The following SEPTIN9 variants were observed in gnomAD, a reference collection of about 807,000 sequenced individuals.
SEPTIN9 encodes septin 9, also known as septin-9.
Under a neutral mutation model 56.6 loss-of-function variants are expected in SEPTIN9, and 13 were observed. The observed-to-expected ratio is 0.23, with a 90% CI of 0.15 to 0.37. SEPTIN9 has a LOEUF of 0.37. Ranked by LOEUF, SEPTIN9 falls within the 10% of genes least tolerant of loss-of-function variation. SEPTIN9 has a pLI of 1.00. For missense variants in SEPTIN9, 650 were observed against 823.1 expected, an observed-to-expected ratio of 0.79 and a Z score of 2.57; for synonymous variants, 332 against 334.1, an observed-to-expected ratio of 0.99 and a Z score of 0.07.
intron 3 of SEPTIN9, among the ~76,000 whole-genome samples, chr17:77,465,087 G>C (rs77223201): frequency 6.6e-6 from 1 of 152,186 alleles, no homozygotes; most frequent in African/African-American, 2.4e-5. Flanking sequence ...AAGTGGAATC[G>C]TACAGTATGT....
chr17:77,288,342 C>A, intron 1 of SEPTIN9: 1 of 450,646 alleles, frequency 2.2e-6, no homozygotes, highest in Non-Finnish European at 3.0e-6. Context: ...CCCCGGAAGC[C>A]GAGGATGTCC....
chr17:77,499,934 C>T lies in SEPTIN9; in HGVS notation c.*1276C>T, dbSNP rs772673489. On this transcript the variant is annotated 3_prime_UTR_variant, in exon 12 of 12. Coordinates refer to ENST00000427177, the MANE Select transcript of SEPTIN9 (RefSeq NM_001113491.2). Reference sequence around the variant, plus strand: ...AGTCCACAGCTGAAGAGCAAGGTTTCGTGGCAGCACGGCCCGGCCCCTCAC... The same window carrying T: ...AGTCCACAGCTGAAGAGCAAGGTTTTGTGGCAGCACGGCCCGGCCCCTCAC... 2 of 240,286 alleles carry T rather than the reference C, an allele frequency of 8.3e-6. No homozygotes were observed. The highest frequency in any genetic ancestry group is 1.6e-5 in the Non-Finnish European group (2 of 122,216). The allele number at this position is 240,286 out of a possible 1,614,324, so 14.9% of individuals were successfully genotyped here.
intron 3 of SEPTIN9, among the ~76,000 whole-genome samples, chr17:77,463,042 G>T (rs541025189): frequency 6.6e-6 from 1 of 152,030 alleles, no homozygotes; most frequent in African/African-American, 2.4e-5. Context: ...GCCCGTGGGG[G>T]TCTCGGCAAG....
In SEPTIN9 at chr17:77,405,165, A is replaced by C. The variant is rs745958406; in HGVS notation, c.721+2462A>C. The C allele has an allele frequency of 9.2e-6, 14 of 1,521,192 alleles. No individual in the cohort carries two copies. The highest frequency in any genetic ancestry group is 1.1e-5 in the Non-Finnish European group (13 of 1,134,210). The allele number at this position is 1,521,192 out of a possible 1,614,324, so 94.2% of individuals were successfully genotyped here. On this transcript the variant is annotated intron_variant, in intron 3 of 11. Transcript: ENST00000427177. This position sits in a 1 kb window ranked among gnomAD's most constrained non-coding sequence, Gnocchi z 5.8. ...GGTAGGGGGATGTCCATGGGGATGT[A>C]CAAGAACATTCTCCTCCAGGGGCAG...
intron 3 of SEPTIN9, among the ~76,000 whole-genome samples, chr17:77,470,198 CTCA>C (rs1439606945): frequency 6.6e-6 from 1 of 150,724 alleles, no homozygotes; most frequent in African/African-American, 2.4e-5. Context: ...CACCCATCCA[CTCA>C]TCATCCGTCC....
intron 2 of SEPTIN9, among the ~76,000 whole-genome samples, chr17:77,382,201 G>A (rs1738168236): frequency 6.6e-6 from 1 of 152,086 alleles, no homozygotes; most frequent in Non-Finnish European, 1.5e-5. Flanking sequence ...CTAATTTTTT[G>A]TATTTTTAGT....
intron 3 of SEPTIN9, among the ~76,000 whole-genome samples, chr17:77,479,480 G>C (rs760202736): frequency 6.6e-6 from 1 of 152,284 alleles, no homozygotes; most frequent in Non-Finnish European, 1.5e-5. Context: ...CCTCTCGAGG[G>C]AGGGGTTGCA....
In SEPTIN9 at chr17:77,476,086, C is replaced by T. The variant is rs903834460; in HGVS notation, c.722-6058C>T. On this transcript the variant is annotated intron_variant, in intron 3 of 11. Coordinates refer to ENST00000427177, the MANE Select transcript of SEPTIN9 (RefSeq NM_001113491.2). This position sits in a 1 kb window ranked among gnomAD's most constrained non-coding sequence, Gnocchi z 6.0. ...GGTGGCTCAGGGTCCCTTGCCCCAGCGGCACCATCTCTGCATTTGGCCAGC... is the reference window on the plus strand; with the variant it reads ...GGTGGCTCAGGGTCCCTTGCCCCAGTGGCACCATCTCTGCATTTGGCCAGC... Among the ~76,000 whole-genome samples, 10 of 152,132 alleles carry T rather than the reference C, an allele frequency of 6.6e-5. No homozygotes were observed. Among genetic ancestry groups the T allele is most frequent in the Non-Finnish European group, 1.0e-4 (7 of 68,020 alleles).
At chr17:77,299,009 C>G (rs144015586) in intron 1 of SEPTIN9, among the ~76,000 whole-genome samples, 373 of 152,308 alleles carry the variant, frequency 2.4e-3, no homozygotes, top group African/African-American at 8.3e-3. Flanking sequence ...CTCACTCTCT[C>G]TGCATCCTGA....
chr17:77,489,014 G>A (rs1332226506), intron 7 of SEPTIN9, 150 bp downstream of exon 7: 5 of 972,604 alleles, frequency 5.1e-6, no homozygotes, highest in South Asian at 1.6e-5. Flanking sequence ...TTGGGGGTGT[G>A]CCATGTCTGC....
intron 2 of SEPTIN9, among the ~76,000 whole-genome samples, chr17:77,385,493 AC>A (rs1187495902): frequency 1.3e-5 from 2 of 152,168 alleles, no homozygotes; most frequent in Non-Finnish European, 2.9e-5. Context: ...TTCCAGGATT[AC>A]AGGCGTGAGC....
In SEPTIN9 at chr17:77,475,885, A is replaced by G. The variant is rs762525910; in HGVS notation, c.722-6259A>G. 12 of 1,611,444 alleles carry G rather than the reference A, an allele frequency of 7.4e-6. No homozygotes were observed. In the East Asian group the frequency reaches 2.0e-4, roughly 27 times the overall value. On this transcript the variant is annotated intron_variant, in intron 3 of 11. Coordinates refer to ENST00000427177, the MANE Select transcript of SEPTIN9 (RefSeq NM_001113491.2). The surrounding 1 kb of genome is among the most constrained non-coding windows in gnomAD (Gnocchi z 4.6). ...TGACCTTGCATTCTGCTTGGCCACC[A>G]TTGGCAGTGACAGACAAGGTGTGTG...
At chr17:77,420,227 G>A (rs986322169) in intron 3 of SEPTIN9, among the ~76,000 whole-genome samples, 1 of 152,194 alleles carries the variant, frequency 6.6e-6, no homozygotes, top group Non-Finnish European at 1.5e-5. Flanking sequence ...TGCTCTGTCT[G>A]GGGACCTTCT....
At chr17:77,315,687 G>A (rs1210392441) in intron 2 of SEPTIN9, among the ~76,000 whole-genome samples, 5 of 152,242 alleles carry the variant, frequency 3.3e-5, no homozygotes, top group Admixed American at 1.3e-4. Context: ...GGCCTTTCCA[G>A]AGCCCGGCCA....
chr17:77,398,859 A>G (rs1598310347), intron 2 of SEPTIN9, among the ~76,000 whole-genome samples: 1 of 152,162 alleles, frequency 6.6e-6, no homozygotes, highest in East Asian at 1.9e-4. Context: ...GCTAGTGGGC[A>G]TGGGAGTGGT....
At chr17:77,452,474 C>T (rs1300154927) in intron 3 of SEPTIN9, among the ~76,000 whole-genome samples, 1 of 152,226 alleles carries the variant, frequency 6.6e-6, no homozygotes, top group Non-Finnish European at 1.5e-5. Context: ...GTGAAATCTG[C>T]TGTGTTTTGG....
Position 77,402,523 on chromosome 17 carries a change from AC to A in SEPTIN9, c.543del (p.Asp182ThrfsTer112). The A allele has an allele frequency of 6.2e-7, 1 of 1,604,952 alleles. No homozygotes were observed. The highest frequency in any genetic ancestry group is 8.5e-7 in the Non-Finnish European group (1 of 1,176,296). ...KVPEVPTAPA[T>X]DAAPKRVEIQ... ...CCCCGAGGTGCCCACTGCCCCTGCC[AC>A]CGACGCAGCCCCCAAGAGGGTGGAG... On this transcript the variant is annotated frameshift_variant, in exon 3 of 12. Coordinates refer to ENST00000427177, the MANE Select transcript of SEPTIN9 (RefSeq NM_001113491.2). LOFTEE classifies it high-confidence loss of function. The surrounding 1 kb of genome is among the most constrained non-coding windows in gnomAD (Gnocchi z 6.6).
Position 77,487,042 on chromosome 17 carries a change from C to A in SEPTIN9, c.914-382C>A, listed in dbSNP as rs763002273. ...GCAGGAATCCCGGCCACCTGGTGCACCCTGGGCAGCCCTGGGCTCCTCCGC... is the reference window on the plus strand; with the variant it reads ...GCAGGAATCCCGGCCACCTGGTGCAACCTGGGCAGCCCTGGGCTCCTCCGC... On this transcript the variant is annotated intron_variant, in intron 4 of 11. Transcript: ENST00000427177. The surrounding 1 kb of genome is among the most constrained non-coding windows in gnomAD (Gnocchi z 4.3). Among the ~76,000 whole-genome samples, 29 of 152,178 alleles carry A rather than the reference C, an allele frequency of 1.9e-4. No individual in the cohort carries two copies. The highest frequency in any genetic ancestry group is 3.9e-4 in the Admixed American group (6 of 15,288).
Position 77,330,572 on chromosome 17 carries a change from G to A in SEPTIN9, c.76+23375G>A, listed in dbSNP as rs914751136. Among the ~76,000 whole-genome samples, 21 of 152,226 alleles carry A rather than the reference G, an allele frequency of 1.4e-4. No individual in the cohort carries two copies. The highest frequency in any genetic ancestry group is 5.1e-4 in the African/African-American group (21 of 41,454). On this transcript the variant is annotated intron_variant, in intron 2 of 11. Transcript: ENST00000427177. The surrounding 1 kb of genome is among the most constrained non-coding windows in gnomAD (Gnocchi z 4.4). ...CTGTTCACCTGGAAAGGATGGGTAG[G>A]ACTTGGAGACAACAGGGATTCAAAG...
Sources: gnomAD v4.1 joint callset for allele counts (sites outside exome capture counted in the v4.1 genomes callset) on GRCh38, gnomAD v4.1.1 for gene constraint, Gnocchi (gnomAD v3.1) non-coding constraint, MANE v1.5 for transcripts, NCBI Gene and HGNC (gene_info 2026-07-23, HGNC 2026-07-21) for gene names.